Variants in SYT7 observed in about 807,000 individuals in gnomAD.
SYT7 encodes synaptotagmin 7, also known as synaptotagmin-7.
In SYT7, 29 loss-of-function variants were observed where a neutral mutation model predicts 75.1. The ratio of observed to expected loss-of-function variants is 0.39; its 90% confidence interval spans 0.29 to 0.53. The LOEUF is 0.53. Ranked by LOEUF, SYT7 falls within the 20% of genes least tolerant of loss-of-function variation. The pLI, the probability that SYT7 is intolerant of heterozygous loss-of-function variation, is 0.77. For synonymous variants in SYT7, 376 were observed against 401.7 expected (o/e 0.94, Z 0.76); for missense variants, 693 against 953.2 (o/e 0.73, Z 3.59).
rs1398920476 is a variant in SYT7, at chr11:61,515,407, T to A, written c.*3220A>T. The A allele has an allele frequency of 6.6e-6, 1 of 152,134 alleles. No individual in the cohort carries two copies. Among genetic ancestry groups the A allele is most frequent in the Non-Finnish European group, 1.5e-5 (1 of 68,024 alleles). The allele number at this position is 152,134 out of a possible 1,614,324, so 9.4% of individuals were successfully genotyped here. On this transcript the variant is annotated 3_prime_UTR_variant, in exon 13 of 13. Coordinates refer to ENST00000539008, the MANE Select transcript of SYT7 (RefSeq NM_001365809.2). ...ATATGATTTTGCAAAGAGGAAATCT[T>A]GCTGGCTTAGAGGGTATGTGTGGTG...
Position 61,580,721 on chromosome 11 carries a change from CG to C in SYT7, c.31+68del. 1 of 1,075,736 alleles carries C rather than the reference CG, an allele frequency of 9.3e-7. No individual in the cohort carries two copies. The highest frequency in any genetic ancestry group is 1.2e-6 in the Non-Finnish European group (1 of 851,338). The allele number at this position is 1,075,736 out of a possible 1,614,324, so 66.6% of individuals were successfully genotyped here. A position where few individuals can be genotyped will look rare whatever the true frequency, so the allele number is the denominator to read the frequency against. On this transcript the variant is annotated intron_variant, in intron 1 of 12. Transcript: ENST00000539008. The surrounding 1 kb of genome is among the most constrained non-coding windows in gnomAD (Gnocchi z 6.1). ...ACAGCCCCAGGCTGGGGCTCCGAGA[CG>C]GCGTCCGGCGCTGCCGCTGTCCTGC...
chr11:61,531,311 G>C (rs1300562028), intron 8 of SYT7, among the ~76,000 whole-genome samples: 1 of 152,228 alleles, frequency 6.6e-6, no homozygotes, highest in Non-Finnish European at 1.5e-5. Flanking sequence ...GGCAGCAAGG[G>C]GCAGGCAAGC....
Position 61,524,551 on chromosome 11 carries a change from G to A in SYT7, c.1472-19C>T. On this transcript the variant is annotated intron_variant, in intron 9 of 12. Coordinates refer to ENST00000539008, the MANE Select transcript of SYT7 (RefSeq NM_001365809.2). This position sits in a 1 kb window ranked among gnomAD's most constrained non-coding sequence, Gnocchi z 4.1. The stretch of plus-strand genomic sequence containing the variant: ...GGAAAACCTGGGGGTATAGATGAGT[G>A]TGAGTGAAGAGGGGGACAGAGGGGC... 6.4e-7 allele frequency: 1 copy of A among 1,559,482 alleles called. No homozygotes were observed. The highest frequency in any genetic ancestry group is 8.7e-7 in the Non-Finnish European group (1 of 1,150,532).
rs150589469 is a variant in SYT7, at chr11:61,572,495, C to T, written c.31+8295G>A. ...TAAGACCCAGGCTTTGGAGTGAGGC[C>T]GACTTGCAATCTTATTCCTGCTCTA... On this transcript the variant is annotated intron_variant, in intron 1 of 12. Transcript: ENST00000539008. Among the ~76,000 whole-genome samples, 596 of 152,252 alleles carry T rather than the reference C, an allele frequency of 3.9e-3. 3 individuals are homozygous for T. Among genetic ancestry groups the T allele is most frequent in the Admixed American group, 5.2e-3 (79 of 15,298 alleles).
chr11:61,523,197 G>C lies in SYT7; in HGVS notation c.1834C>G (p.Leu612Val). 1 of 1,614,212 alleles carries C rather than the reference G, an allele frequency of 6.2e-7. No homozygotes were observed. The highest frequency in any genetic ancestry group is 8.5e-7 in the Non-Finnish European group (1 of 1,180,048). The change falls in exon 12 of 13, where the codon CTG becomes GTG. Residue 612 changes from leucine to valine, a missense_variant. This residue lies in a region of SYT7 where 206 missense variants were observed against 360.0 expected (regional missense o/e 0.57). Coordinates refer to ENST00000539008, the MANE Select transcript of SYT7 (RefSeq NM_001365809.2). The surrounding 1 kb of genome is among the most constrained non-coding windows in gnomAD (Gnocchi z 5.0). ...KKKTVTMKRN[L>V]NPIFNESFAF... ...AAGGACTCATTGAAGATGGGGTTCA[G>C]GTTCCTCTTCATCGTCACCGTCTTC...
At position 61,580,791 on chromosome 11, in the gene SYT7, TG is replaced by T; in HGVS notation, c.29del (p.Pro10GlnfsTer65). On this transcript the variant is annotated frameshift_variant and splice_region_variant, in exon 1 of 13. Coordinates refer to ENST00000539008, the MANE Select transcript of SYT7 (RefSeq NM_001365809.2). LOFTEE classifies it high-confidence loss of function. This position sits in a 1 kb window ranked among gnomAD's most constrained non-coding sequence, Gnocchi z 6.1. MYRDPEAAS[P>X]GAPSRDVLLV... ...CCAGCCCGCCGGGGCCGCGCTTACC[TG>T]GGCTGGCCGCCTCCGGGTCCCGGTA... 7.8e-7 allele frequency: 1 copy of T among 1,286,356 alleles called. No homozygotes were observed. Among genetic ancestry groups the T allele is most frequent in the Non-Finnish European group, 9.9e-7 (1 of 1,014,380 alleles). 79.7% of individuals were successfully genotyped at this position (1,286,356 alleles called of 1,614,324 possible). A position where few individuals can be genotyped will look rare whatever the true frequency, so the allele number is the denominator to read the frequency against.
rs2062185661 is a variant in SYT7 at position 61,517,815 on chromosome 11, T to C, written c.*812A>G. 1 of 222,350 alleles carries C rather than the reference T, an allele frequency of 4.5e-6. No individual in the cohort carries two copies. Among genetic ancestry groups the C allele is most frequent in the Non-Finnish European group, 8.3e-6 (1 of 120,432 alleles). 13.8% of individuals were successfully genotyped at this position (222,350 alleles called of 1,614,324 possible). ...CTGAGGAGGGAACTACTTCAGATTC[T>C]GAGCAGAGGGGGGCACCAAGGGGAG... On this transcript the variant is annotated 3_prime_UTR_variant, in exon 13 of 13. Coordinates refer to ENST00000539008, the MANE Select transcript of SYT7 (RefSeq NM_001365809.2).
chr11:61,554,122 A>G (rs2063426169), intron 2 of SYT7, among the ~76,000 whole-genome samples: 1 of 152,100 alleles, frequency 6.6e-6, no homozygotes, highest in African/African-American at 2.4e-5. Flanking sequence ...CTGCTTCTGC[A>G]TCTCTCAGCT....
At chr11:61,544,337 C>G (rs1309390885) in intron 5 of SYT7, among the ~76,000 whole-genome samples, 2 of 152,078 alleles carry the variant, frequency 1.3e-5, no homozygotes, top group East Asian at 3.9e-4. Context: ...TTAGGCTACC[C>G]CTGTGGGCTG....
At chr11:61,521,541 G>C (rs919379003) in intron 12 of SYT7, among the ~76,000 whole-genome samples, 1 of 152,174 alleles carries the variant, frequency 6.6e-6, no homozygotes, top group Admixed American at 6.5e-5. Flanking sequence ...AGATTGGCCA[G>C]TCATACTCCC....
rs748347825 is a variant in SYT7 at position 61,551,371 on chromosome 11, G to T, written c.215+13C>A. The T allele has an allele frequency of 3.1e-6, 5 of 1,613,434 alleles. No homozygotes were observed. The Admixed American group carries it at 8.3e-5, about 27-fold the overall frequency. On this transcript the variant is annotated intron_variant, in intron 3 of 12. Transcript: ENST00000539008. The surrounding 1 kb of genome is among the most constrained non-coding windows in gnomAD (Gnocchi z 5.3). Reference sequence around the variant, plus strand: ...TGTGTGGCCCCATCCCAAACTAGCAGCCTGGCACCTACTTGATAGCCTTCT... The same window carrying T: ...TGTGTGGCCCCATCCCAAACTAGCATCCTGGCACCTACTTGATAGCCTTCT...
intron 1 of SYT7, among the ~76,000 whole-genome samples, chr11:61,572,561 C>T (rs988261602): frequency 6.6e-6 from 1 of 152,186 alleles, no homozygotes; most frequent in Admixed American, 6.5e-5. Context: ...TCTGAGTCTC[C>T]GTTTCCTCAT....
Position 61,546,042 on chromosome 11 carries a change from G to A in SYT7, c.561C>T (p.Leu187=), listed in dbSNP as rs1239634889. Residue 187 remains leucine, a synonymous_variant, in exon 5 of 13, where the codon CTC becomes CTT. Coordinates refer to ENST00000539008, the MANE Select transcript of SYT7 (RefSeq NM_001365809.2). The surrounding 1 kb of genome is among the most constrained non-coding windows in gnomAD (Gnocchi z 7.6). ...TVQSHLAAGK[L]NLSNFEDSTL... is the part of the protein sequence containing the mutation. ...GCGCCATCACTCACTTGGACAAGTT[G>A]AGCTTCCCTGCGGCCAGGTGGCTCT... The A allele has an allele frequency of 6.5e-7, 1 of 1,533,286 alleles. No homozygotes were observed. Among genetic ancestry groups the A allele is most frequent in the African/African-American group, 1.4e-5 (1 of 72,668 alleles). The allele number at this position is 1,533,286 out of a possible 1,614,324, so 95.0% of individuals were successfully genotyped here. A position where few individuals can be genotyped will look rare whatever the true frequency, so the allele number is the denominator to read the frequency against.
At chr11:61,565,904 G>T (rs1328959932) in intron 1 of SYT7, among the ~76,000 whole-genome samples, 1 of 152,276 alleles carries the variant, frequency 6.6e-6, no homozygotes, top group Non-Finnish European at 1.5e-5. Flanking sequence ...GAGTGCGCTG[G>T]CTGGGGCCGC....
chr11:61,527,763 G>T, intron 9 of SYT7, 152 bp downstream of exon 9: 1 of 917,898 alleles, frequency 1.1e-6, no homozygotes, highest in South Asian at 1.5e-5. Flanking sequence ...GTGCACATAA[G>T]TGTATCTGCT....
In SYT7 at chr11:61,546,339, G is replaced by C; in HGVS notation, c.348-84C>G. The C allele has an allele frequency of 1.1e-6, 1 of 907,616 alleles. No individual in the cohort carries two copies. Among genetic ancestry groups the C allele is most frequent in the Non-Finnish European group, 1.6e-6 (1 of 634,984 alleles). 56.2% of individuals were successfully genotyped at this position (907,616 alleles called of 1,614,324 possible). A position where few individuals can be genotyped will look rare whatever the true frequency, so the allele number is the denominator to read the frequency against. On this transcript the variant is annotated intron_variant, in intron 4 of 12. Coordinates refer to ENST00000539008, the MANE Select transcript of SYT7 (RefSeq NM_001365809.2). The surrounding 1 kb of genome is among the most constrained non-coding windows in gnomAD (Gnocchi z 7.6). ...AGAGGGCAGGCCATACGTGGGGGTC[G>C]GGGGGTGGAAGAGGAAGAAAAACAA...
rs1334372507 is a variant in SYT7 at position 61,576,158 on chromosome 11, G to T, written c.31+4632C>A. On this transcript the variant is annotated intron_variant, in intron 1 of 12. Transcript: ENST00000539008. The surrounding 1 kb of genome is among the most constrained non-coding windows in gnomAD (Gnocchi z 4.1). ...CATGCTGTCTGCCAACTCTGTTCCA[G>T]CCCTTGGGGAATTCTGCTGGGTGAG... Among the ~76,000 whole-genome samples, 1 of 152,214 alleles carries T rather than the reference G, an allele frequency of 6.6e-6. No individual in the cohort carries two copies. Among genetic ancestry groups the T allele is most frequent in the Non-Finnish European group, 1.5e-5 (1 of 68,034 alleles).
intron 1 of SYT7, among the ~76,000 whole-genome samples, chr11:61,563,337 C>CT (rs1360968919): frequency 1.3e-5 from 2 of 152,212 alleles, no homozygotes; most frequent in Non-Finnish European, 2.9e-5. Context: ...GGCCTGAACA[C>CT]TTTACCTTCA....
chr11:61,581,963 T>C (rs1464844251), upstream of SYT7, among the ~76,000 whole-genome samples: 1 of 152,086 alleles, frequency 6.6e-6, no homozygotes. Flanking sequence ...ATGATTTGAT[T>C]CTGGGGCAGG....
Sources: allele counts gnomAD v4.1 joint callset (sites outside exome capture counted in the v4.1 genomes callset), GRCh38; gene constraint gnomAD v4.1.1; regional missense constraint gnomAD v4.1.1; non-coding constraint Gnocchi (gnomAD v3.1); transcripts MANE v1.5; gene names NCBI Gene and HGNC (gene_info 2026-07-23, HGNC 2026-07-21).